Variants in ADAMTS9 observed in about 807,000 individuals in gnomAD.
The protein encoded by ADAMTS9 is ADAM metallopeptidase with thrombospondin type 1 motif 9, also known as A disintegrin and metalloproteinase with thrombospondin motifs 9.
ADAMTS9 carries 107 observed loss-of-function variants against 257.1 expected under a neutral mutation model. The ratio of observed to expected loss-of-function variants is 0.42; its 90% CI spans 0.36 to 0.49. The LOEUF (loss-of-function observed/expected upper bound fraction) is 0.49, where lower values mean the gene tolerates loss of function less well. ADAMTS9 is among the 20% of genes least tolerant of loss of function. The pLI, the probability that ADAMTS9 is intolerant of heterozygous loss-of-function variation, is 0.03. For missense variants in ADAMTS9, 2,353 were observed against 2,469.1 expected (o/e 0.95, Z 1.00); for synonymous variants, 982 against 880.9 (o/e 1.11, Z -2.03).
intron 29 of ADAMTS9, among the ~76,000 whole-genome samples, chr3:64,566,451 G>A (rs2083547851): frequency 6.6e-6 from 1 of 152,150 alleles, no homozygotes; most frequent in African/African-American, 2.4e-5. Context: ...TGACTTTTCC[G>A]AGCAATCATT....
rs1274255976 is a variant in ADAMTS9 at position 64,687,710 on chromosome 3, C to T, written c.-53G>A. 9 of 1,344,680 alleles carry T rather than the reference C, an allele frequency of 6.7e-6. No individual in the cohort carries two copies. Among genetic ancestry groups the T allele is most frequent in the East Asian group, 3.0e-5 (1 of 32,832 alleles). The allele number at this position is 1,344,680 out of a possible 1,614,324, so 83.3% of individuals were successfully genotyped here. On this transcript the variant is annotated 5_prime_UTR_variant, in exon 1 of 40. Transcript: ENST00000498707. This position sits in a 1 kb window ranked among gnomAD's most constrained non-coding sequence, Gnocchi z 4.4. ...CCCCACCCCCCTCCCTCCTGCCCTC[C>T]TTGGCTGCGGCGGCGACGCGAGGCA...
intron 6 of ADAMTS9, 97 bp from the exon 7 acceptor site, chr3:64,654,709 C>T (rs1701019572): frequency 1.8e-5 from 25 of 1,354,958 alleles, no homozygotes; most frequent in Non-Finnish European, 2.4e-5. Context: ...CAACAGTACA[C>T]ACTTTGGGGT....
intron 38 of ADAMTS9, among the ~76,000 whole-genome samples, chr3:64,528,845 G>C (rs2082942815): frequency 1.3e-5 from 2 of 152,166 alleles, no homozygotes; most frequent in African/African-American, 4.8e-5. Flanking sequence ...CCATTTTATA[G>C]ATGAACAAAC....
chr3:64,650,838 A>C (rs1700913718), intron 9 of ADAMTS9, 179 bp downstream of exon 9: 8 of 586,608 alleles, frequency 1.4e-5, no homozygotes, highest in Non-Finnish European at 2.2e-5. Context: ...AACTCTGTCA[A>C]GGATATGAAC....
chr3:64,548,039 T>C (rs1433512811), intron 31 of ADAMTS9, among the ~76,000 whole-genome samples: 1 of 152,152 alleles, frequency 6.6e-6, no homozygotes, highest in East Asian at 1.9e-4. Context: ...GTGGGATAAA[T>C]ACCCCAAAAC....
At chr3:64,568,559 G>C in intron 28 of ADAMTS9, 24 bp from the exon 29 acceptor site, 1 of 1,606,928 alleles carries the variant, frequency 6.2e-7, no homozygotes, top group Non-Finnish European at 8.5e-7. Context: ...CAATGGCAAG[G>C]TTGTTGTTGT....
intron 37 of ADAMTS9, among the ~76,000 whole-genome samples, chr3:64,538,199 T>C (rs1349878581): frequency 6.6e-6 from 1 of 152,164 alleles, no homozygotes; most frequent in Non-Finnish European, 1.5e-5. Flanking sequence ...CCTGTCATCC[T>C]CTCTAATAGG....
At chr3:64,597,570 G>C (rs376057768) in intron 26 of ADAMTS9, among the ~76,000 whole-genome samples, 2 of 152,028 alleles carry the variant, frequency 1.3e-5, no homozygotes, top group African/African-American at 4.8e-5. Flanking sequence ...CCTGAACTTC[G>C]GTGGCTAATG....
rs552571339 is a variant in ADAMTS9 at position 64,600,357 on chromosome 3, A to C, written c.4017+1587T>G. Among the ~76,000 whole-genome samples the C allele has an allele frequency of 5.3e-5, 8 of 152,244 alleles. 1 individual carries two copies. Among genetic ancestry groups the C allele is most frequent in the Admixed American group, 5.2e-4 (8 of 15,302 alleles). ...GTCCAGCTTCAGCCTCACTTAACGT[A>C]GGGGAAAAAATATCCAAACAAAAAA... On this transcript the variant is annotated intron_variant, in intron 26 of 39. Coordinates refer to ENST00000498707, the MANE Select transcript of ADAMTS9 (RefSeq NM_182920.2).
chr3:64,522,049 G>T, intron 39 of ADAMTS9, 117 bp downstream of exon 39: 1 of 782,044 alleles, frequency 1.3e-6, no homozygotes. Flanking sequence ...GAACTGTATT[G>T]GGTCAGCTTC....
intron 3 of ADAMTS9, among the ~76,000 whole-genome samples, chr3:64,669,921 T>C (rs1036421509): frequency 2.6e-5 from 4 of 152,044 alleles, no homozygotes; most frequent in African/African-American, 7.2e-5. Context: ...TGAAATAACA[T>C]GAAATGTAAG....
At chr3:64,642,770 G>T (rs1436007023) in intron 11 of ADAMTS9, among the ~76,000 whole-genome samples, 1 of 152,346 alleles carries the variant, frequency 6.6e-6, no homozygotes, top group Non-Finnish European at 1.5e-5. Context: ...GGCCACAGGA[G>T]GGTGACGCCC....
At chr3:64,650,922 G>T in intron 9 of ADAMTS9, 95 bp downstream of exon 9, 1 of 1,184,246 alleles carries the variant, frequency 8.4e-7, no homozygotes, top group Non-Finnish European at 1.2e-6. Context: ...TAACTCAAAA[G>T]GAATGTTTGA....
At chr3:64,615,741 G>A (rs1482497797) in intron 20 of ADAMTS9, among the ~76,000 whole-genome samples, 1 of 152,172 alleles carries the variant, frequency 6.6e-6, no homozygotes, top group Non-Finnish European at 1.5e-5. Context: ...CAGTTGAGTT[G>A]TTCCACTTCT....
At chr3:64,613,277 C>A in intron 22 of ADAMTS9, 68 bp downstream of exon 22, 2 of 1,564,994 alleles carry the variant, frequency 1.3e-6, no homozygotes, top group African/African-American at 1.3e-5. Context: ...CTGGAATGCT[C>A]CTTTGCAAGT....
At position 64,598,072 on chromosome 3, in the gene ADAMTS9, T is replaced by G. The variant is rs1016870919; in HGVS notation, c.4018-1081A>C. On this transcript the variant is annotated intron_variant, in intron 26 of 39. Coordinates refer to ENST00000498707, the MANE Select transcript of ADAMTS9 (RefSeq NM_182920.2). ...TCTTCCGTATCAAGATGTGAATACA[T>G]TTTGTTGCTAATTGAACTGGACCAC... 5.3e-5 allele frequency among the ~76,000 whole-genome samples: 8 copies of G among 152,202 alleles called. No homozygotes were observed. In the East Asian group the frequency reaches 1.5e-3, roughly 29 times the overall value.
chr3:64,584,420 C>T (rs965660414), intron 28 of ADAMTS9, among the ~76,000 whole-genome samples: 1 of 151,850 alleles, frequency 6.6e-6, no homozygotes, highest in Non-Finnish European at 1.5e-5. Flanking sequence ...GGGAAAAGGC[C>T]AATAAAAAAG....
At chr3:64,663,437 T>G (rs1701273743) in intron 3 of ADAMTS9, among the ~76,000 whole-genome samples, 1 of 151,650 alleles carries the variant, frequency 6.6e-6, no homozygotes. Context: ...TCTTTTTTTT[T>G]TTTTTTTTGA....
chr3:64,590,236 A>G (rs2084235744), intron 28 of ADAMTS9, among the ~76,000 whole-genome samples: 1 of 152,198 alleles, frequency 6.6e-6, no homozygotes, highest in Non-Finnish European at 1.5e-5. Flanking sequence ...TTTAAAATAC[A>G]TACTTGAAGC....
Sources: gnomAD v4.1 joint callset for allele counts (sites outside exome capture counted in the v4.1 genomes callset) on GRCh38, gnomAD v4.1.1 for gene constraint, Gnocchi (gnomAD v3.1) non-coding constraint, MANE v1.5 for transcripts, NCBI Gene and HGNC (gene_info 2026-07-23, HGNC 2026-07-21) for gene names.